The following NKAIN3 variants were observed in gnomAD, a reference collection of about 807,000 sequenced individuals.
The protein encoded by NKAIN3 is sodium/potassium transporting ATPase interacting 3.
In NKAIN3, 25 loss-of-function variants were observed where a neutral mutation model predicts 30.2. The observed-to-expected ratio is 0.83, with a 90% CI of 0.60 to 1.16. The LOEUF (loss-of-function observed/expected upper bound fraction) is 1.16, where lower values mean the gene tolerates loss of function less well. NKAIN3 is among the 50% of genes most tolerant of loss of function. The pLI is 0.00. For missense variants in NKAIN3, 225 were observed against 254.1 expected, an observed-to-expected ratio of 0.89 and a Z score of 0.78; for synonymous variants, 91 against 89.6, an observed-to-expected ratio of 1.02 and a Z score of -0.09.
At chr8:62,839,518 A>G (rs1462983083) in intron 4 of NKAIN3, among the ~76,000 whole-genome samples, 1 of 152,154 alleles carries the variant, frequency 6.6e-6, no homozygotes, top group South Asian at 2.1e-4. Flanking sequence ...ATGATTTGGT[A>G]TGTATCAAAT....
chr8:62,256,922 G>T, intron 1 of NKAIN3, among the ~76,000 whole-genome samples: 1 of 152,138 alleles, frequency 6.6e-6, no homozygotes, highest in East Asian at 1.9e-4. Context: ...TGAGGCTGAC[G>T]AATGTTCCTG....
In NKAIN3 at chr8:62,546,555, C is replaced by T. The variant is rs147590051; in HGVS notation, c.55-32984C>T. Among the ~76,000 whole-genome samples, 439 of 152,208 alleles carry T rather than the reference C, an allele frequency of 2.9e-3. 1 individual carries two copies. Among genetic ancestry groups the T allele is most frequent in the Admixed American group, 6.1e-3 (93 of 15,284 alleles). On this transcript the variant is annotated intron_variant, in intron 1 of 6. Coordinates refer to ENST00000623646, the MANE Select transcript of NKAIN3 (RefSeq NM_001304533.3). ...CCAGTTATAGCAGTAATTACTTCTC[C>T]CAGGTTCTTCAAATGGCCTATTGCT...
chr8:62,956,696 G>C (rs1032866144), intron 6 of NKAIN3, among the ~76,000 whole-genome samples: 2 of 152,204 alleles, frequency 1.3e-5, no homozygotes, highest in African/African-American at 4.8e-5. Flanking sequence ...ACATCAATCA[G>C]TTTAATTCAC....
chr8:62,773,202 G>GT (rs2096310594), intron 4 of NKAIN3, among the ~76,000 whole-genome samples: 1 of 152,010 alleles, frequency 6.6e-6, no homozygotes, highest in Admixed American at 6.6e-5. Flanking sequence ...TTATACTTGA[G>GT]TTTTTTAATT....
intron 4 of NKAIN3, among the ~76,000 whole-genome samples, chr8:62,806,189 C>T (rs1241584245): frequency 1.3e-5 from 2 of 152,176 alleles, no homozygotes; most frequent in Non-Finnish European, 2.9e-5. Context: ...AATAGGAACA[C>T]TTTTACACTG....
chr8:62,857,080 TAC>T, intron 4 of NKAIN3: 1 of 457,710 alleles, frequency 2.2e-6, no homozygotes, highest in Non-Finnish European at 4.3e-6. Context: ...CTCCCACCTT[TAC>T]ATGTTGGCTA....
intron 1 of NKAIN3, among the ~76,000 whole-genome samples, chr8:62,260,148 T>C (rs1812390197): frequency 6.6e-6 from 1 of 152,108 alleles, no homozygotes; most frequent in South Asian, 2.1e-4. Flanking sequence ...CATAAATATA[T>C]TTCTGAAAGT....
intron 1 of NKAIN3, among the ~76,000 whole-genome samples, chr8:62,495,083 G>T (rs1349627017): frequency 6.6e-6 from 1 of 151,948 alleles, no homozygotes; most frequent in African/African-American, 2.4e-5. Context: ...TTATTGCATG[G>T]TTATTTCCTG....
At chr8:62,787,493 A>ATTT (rs1817559815) in intron 4 of NKAIN3, among the ~76,000 whole-genome samples, 4 of 152,140 alleles carry the variant, frequency 2.6e-5, no homozygotes, top group African/African-American at 4.8e-5. Flanking sequence ...GACAAAGAGG[A>ATTT]AAACTCAGTT....
At chr8:62,375,432 C>G (rs4442137) in intron 1 of NKAIN3, among the ~76,000 whole-genome samples, 21,076 of 152,188 alleles carry the variant, frequency 0.14, 1,746 homozygotes, top group East Asian at 0.4. Flanking sequence ...ATTCAAGGTG[C>G]TGTGCTGGAG....
rs1464021098 is a variant in NKAIN3 at position 62,723,285 on chromosome 8, A to G, written c.274-23647A>G. 2.6e-5 allele frequency among the ~76,000 whole-genome samples: 4 copies of G among 152,258 alleles called. No individual in the cohort carries two copies. The East Asian group carries it at 5.8e-4, about 22-fold the overall frequency. ...TGAAAAATAAGCATATATTCTTCCC[A>G]GGTGGTAAATTTAACAAAAAACACA... On this transcript the variant is annotated intron_variant, in intron 3 of 6. Transcript: ENST00000623646.
At chr8:62,293,941 C>T (rs1022754116) in intron 1 of NKAIN3, among the ~76,000 whole-genome samples, 4 of 152,172 alleles carry the variant, frequency 2.6e-5, no homozygotes, top group Non-Finnish European at 5.9e-5. Flanking sequence ...CAATGGCAGA[C>T]ACCCCTCCCC....
intron 1 of NKAIN3, among the ~76,000 whole-genome samples, chr8:62,355,142 G>T (rs1180440207): frequency 6.6e-6 from 1 of 152,114 alleles, no homozygotes; most frequent in Non-Finnish European, 1.5e-5. Context: ...TTTTCAGCAG[G>T]GATGAGTCAC....
At chr8:62,411,376 A>G (rs1804232458) in intron 1 of NKAIN3, among the ~76,000 whole-genome samples, 1 of 152,200 alleles carries the variant, frequency 6.6e-6, no homozygotes, top group Non-Finnish European at 1.5e-5. Flanking sequence ...GCCTCAACAA[A>G]CTAGGCATTT....
intron 1 of NKAIN3, among the ~76,000 whole-genome samples, chr8:62,564,839 T>C (rs1809699885): frequency 6.6e-6 from 1 of 152,152 alleles, no homozygotes; most frequent in African/African-American, 2.4e-5. Context: ...TTAACACAGA[T>C]AATTTGAGTT....
At chr8:62,729,905 G>T (rs1815413573) in intron 3 of NKAIN3, among the ~76,000 whole-genome samples, 2 of 152,194 alleles carry the variant, frequency 1.3e-5, no homozygotes, top group Non-Finnish European at 2.9e-5. Context: ...AAGGATAAAT[G>T]CAGAGAGTTA....
At chr8:62,464,103 C>G (rs996641482) in intron 1 of NKAIN3, among the ~76,000 whole-genome samples, 1 of 152,170 alleles carries the variant, frequency 6.6e-6, no homozygotes, top group Non-Finnish European at 1.5e-5. Context: ...TTTAGTTCGA[C>G]AAATGTACCT....
At chr8:62,271,246 T>C (rs1042453784) in intron 1 of NKAIN3, among the ~76,000 whole-genome samples, 1 of 152,204 alleles carries the variant, frequency 6.6e-6, no homozygotes, top group Non-Finnish European at 1.5e-5. Context: ...GACAACAAGA[T>C]AGGACCACAA....
chr8:62,437,155 A>AT (rs35199976), intron 1 of NKAIN3, among the ~76,000 whole-genome samples: 63,284 of 151,708 alleles, frequency 0.42, 15,162 homozygotes, highest in Non-Finnish European at 0.53. Flanking sequence ...GGTAGAATAG[A>AT]TTTTTTTTGA....
Sources: allele counts gnomAD v4.1 joint callset (sites outside exome capture counted in the v4.1 genomes callset), GRCh38; gene constraint gnomAD v4.1.1; transcripts MANE v1.5; gene names NCBI Gene and HGNC (gene_info 2026-07-23, HGNC 2026-07-21).